Variants in RNF25 observed in about 807,000 individuals in gnomAD.
RNF25 encodes the protein ring finger protein 25.
RNF25 carries 32 observed loss-of-function variants against 65.0 expected under a neutral mutation model. That is an observed-to-expected ratio of 0.49 (90% confidence interval 0.37 to 0.66). The LOEUF (loss-of-function observed/expected upper bound fraction) is 0.66. RNF25 is among the 30% of genes least tolerant of loss of function. The pLI, the probability that RNF25 is intolerant of heterozygous loss-of-function variation, is 0.00. For missense variants in RNF25, 493 were observed against 584.8 expected (o/e 0.84, Z 1.62); for synonymous variants, 207 against 221.2 (o/e 0.94, Z 0.57).
In RNF25 at chr2:218,664,545, A is replaced by G. The variant is rs936326544; in HGVS notation, c.802-10T>C. ...CCGCAGGGGCAGGAGGCTAGAAATAAGTGACAAGATGCAGTGAGGGAGATG... is the reference window on the plus strand; with the variant it reads ...CCGCAGGGGCAGGAGGCTAGAAATAGGTGACAAGATGCAGTGAGGGAGATG... On this transcript the variant is annotated splice_polypyrimidine_tract_variant and intron_variant, in intron 9 of 9. Coordinates refer to ENST00000295704, the MANE Select transcript of RNF25 (RefSeq NM_022453.3). The surrounding 1 kb of genome is among the most constrained non-coding windows in gnomAD (Gnocchi z 5.1). The G allele has an allele frequency of 6.8e-6, 11 of 1,609,458 alleles. No individual in the cohort carries two copies. The highest frequency in any genetic ancestry group is 1.7e-4 in the Middle Eastern group (1 of 6,040).
At position 218,667,851 on chromosome 2, in the gene RNF25, A is replaced by G. The variant is rs1939868259; in HGVS notation, c.357+61T>C. 4 of 1,478,896 alleles carry G rather than the reference A, an allele frequency of 2.7e-6. No homozygotes were observed. In the South Asian group the frequency reaches 4.7e-5, roughly 17 times the overall value. 91.6% of individuals were successfully genotyped at this position (1,478,896 alleles called of 1,614,324 possible). ...ATTCTAGGCCCATGGTTTCCCTTTTACAGCTAGAAACTGCTCTAGCTTGAA... is the reference window on the plus strand; with the variant it reads ...ATTCTAGGCCCATGGTTTCCCTTTTGCAGCTAGAAACTGCTCTAGCTTGAA... On this transcript the variant is annotated intron_variant, in intron 5 of 9. Coordinates refer to ENST00000295704, the MANE Select transcript of RNF25 (RefSeq NM_022453.3).
chr2:218,665,081 C>A, intron 8 of RNF25, 74 bp downstream of exon 8: 4 of 1,508,408 alleles, frequency 2.7e-6, no homozygotes, highest in South Asian at 2.3e-5. Flanking sequence ...CCATTTGACA[C>A]AGACAAGATG....
chr2:218,668,876 GCAT>G (rs1193021494), intron 1 of RNF25, among the ~76,000 whole-genome samples, 197 bp from the exon 2 acceptor site: 1 of 152,222 alleles, frequency 6.6e-6, no homozygotes, highest in Non-Finnish European at 1.5e-5. Context: ...AGAATTTTAG[GCAT>G]CATTTCTGCC....
intron 5 of RNF25, among the ~76,000 whole-genome samples, chr2:218,667,222 G>A (rs1467636163): frequency 6.6e-6 from 1 of 151,548 alleles, no homozygotes; most frequent in Non-Finnish European, 1.5e-5. Flanking sequence ...AAATAAAACT[G>A]TACTTAATTT....
chr2:218,665,223 C>G lies in RNF25; in HGVS notation c.598G>C (p.Val200Leu), dbSNP rs780539985. 6.2e-7 allele frequency: 1 copy of G among 1,614,106 alleles called. No individual in the cohort carries two copies. Among genetic ancestry groups the G allele is most frequent in the South Asian group, 1.1e-5 (1 of 91,070 alleles). ...TCATACACGAGGGGCTCTCTGCACA[C>G]TGGACACTGCACACCGACTGCCTTC... ...KQKAVGVQCP[V>L]CREPLVYDLA... Residue 200 changes from valine to leucine, a missense_variant, in exon 8 of 10, where the codon GTG (valine) becomes CTG (leucine). Physicochemically the swap from Val to Leu is conservative, Grantham distance 32 (BLOSUM62 1). Coordinates refer to ENST00000295704, the MANE Select transcript of RNF25 (RefSeq NM_022453.3).
chr2:218,665,233 C>T lies in RNF25; in HGVS notation c.588G>A (p.Val196=). 6.2e-7 allele frequency: 1 copy of T among 1,613,674 alleles called. No individual in the cohort carries two copies. The highest frequency in any genetic ancestry group is 8.5e-7 in the Non-Finnish European group (1 of 1,179,764). ...GGGGCTCTCTGCACACTGGACACTG[C>T]ACACCGACTGCCTTCTAAAAAAGAG... ...HATTKQKAVG[V]QCPVCREPLV... Residue 196 remains valine (V), a synonymous_variant, in exon 8 of 10, where the codon GTG becomes GTA. Transcript: ENST00000295704.
At chr2:218,671,434 G>A (rs1350012563) in intron 1 of RNF25, among the ~76,000 whole-genome samples, 4 of 151,964 alleles carry the variant, frequency 2.6e-5, no homozygotes, top group Non-Finnish European at 4.4e-5. Flanking sequence ...AGGACTAGAG[G>A]GACTTTATAT....
intron 5 of RNF25, 55 bp downstream of exon 5, chr2:218,667,857 A>G: frequency 1.3e-6 from 2 of 1,540,554 alleles, no homozygotes; most frequent in Non-Finnish European, 1.8e-6. Context: ...TTTTACAGCT[A>G]GAAACTGCTC....
rs144619551 is a variant in RNF25, at chr2:218,664,353, C to T, written c.984G>A (p.Arg328=). Residue 328 remains arginine, a synonymous_variant, in exon 10 of 10, where the codon AGG becomes AGA. Transcript: ENST00000295704. The surrounding 1 kb of genome is among the most constrained non-coding windows in gnomAD (Gnocchi z 5.1). ...KIPGTRSNQQ[R]LGETQKAMLD... ...GCATAGCTTTCTGGGTTTCGCCCAA[C>T]CTTTGCTGATTTGACCTGGTCCCTG... 263 of 1,614,050 alleles carry T rather than the reference C, an allele frequency of 1.6e-4. No homozygotes were observed. Among genetic ancestry groups the T allele is most frequent in the Non-Finnish European group, 2.0e-4 (232 of 1,180,042 alleles).
Position 218,664,347 on chromosome 2 carries a change from G to A in RNF25, c.990C>T (p.Gly330=), listed in dbSNP as rs754094338. 13 of 1,614,168 alleles carry A rather than the reference G, an allele frequency of 8.1e-6. No individual in the cohort carries two copies. Among genetic ancestry groups the A allele is most frequent in the South Asian group, 1.1e-5 (1 of 91,080 alleles). The part of the protein sequence containing the change: ...PGTRSNQQRL[G]ETQKAMLDPP... ...GATCTAGCATAGCTTTCTGGGTTTC[G>A]CCCAACCTTTGCTGATTTGACCTGG... The change falls in exon 10 of 10, where the codon GGC becomes GGT. Residue 330 remains glycine, a synonymous_variant. Transcript: ENST00000295704. The surrounding 1 kb of genome is among the most constrained non-coding windows in gnomAD (Gnocchi z 5.1).
chr2:218,665,827 G>A (rs1216151881), intron 7 of RNF25, 89 bp downstream of exon 7: 3 of 1,507,208 alleles, frequency 2.0e-6, no homozygotes, highest in Middle Eastern at 2.5e-4. Context: ...CTGAAAAAGT[G>A]AAGAGCCACT....
rs1327336798 is a variant in RNF25, at chr2:218,667,355, C to CT, written c.357+556dup. ...TTCAGTAAAGGAACCATGACTTTTT[C>CT]TTTTTTTTTTTTTTGAGATGGAGTC... On this transcript the variant is annotated intron_variant, in intron 5 of 9. Transcript: ENST00000295704. Among the ~76,000 whole-genome samples, 636 of 139,516 alleles carry CT rather than the reference C, an allele frequency of 4.6e-3. 5 individuals are homozygous for CT. The highest frequency in any genetic ancestry group is 6.3e-3 in the Non-Finnish European group (400 of 63,564). 91.5% of individuals were successfully genotyped at this position (139,516 alleles called of 152,430 possible).
rs758521227 is a variant in RNF25, at chr2:218,671,964, C to T, written c.7G>A (p.Ala3Thr). 17 of 1,614,118 alleles carry T rather than the reference C, an allele frequency of 1.1e-5. No individual in the cohort carries two copies. The Admixed American group carries it at 1.8e-4, about 17-fold the overall frequency. MA[A>T]SASAAAGEED... ...TCCCCTGCAGCTGCAGACGCAGACG[C>T]CGCCATATCTTCACCGGCCCGCAGC... Residue 3 changes from alanine to threonine, a missense_variant, in exon 1 of 10, where the codon GCG (alanine) becomes ACG (threonine). Physicochemically the swap from Ala to Thr is moderately conservative, Grantham distance 58. This residue lies in a region of RNF25 where 34 missense variants were observed against 18.6 expected (regional missense o/e 1.83). Transcript: ENST00000295704.
In RNF25 at chr2:218,665,929, G is replaced by C. The variant is rs533604489; in HGVS notation, c.560C>G (p.Ala187Gly). The stretch of plus-strand genomic sequence containing the variant: ...AGTGAGGTCTACCTGTTTGGTTGTA[G>C]CATGCTGCCGTTCCTGTTCCTGCTC... ...GQEQEQERQHATTKQKAVGVQ... is the reference protein window; with the variant it reads ...GQEQEQERQHGTTKQKAVGVQ... Residue 187 changes from alanine (A) to glycine (G), a missense_variant, in exon 7 of 10, where the codon GCT (alanine) becomes GGT (glycine). This residue lies in a region of RNF25 where 351 missense variants were observed against 400.2 expected (regional missense o/e 0.88). Transcript: ENST00000295704. 9 of 1,613,674 alleles carry C rather than the reference G, an allele frequency of 5.6e-6. No homozygotes were observed. The highest frequency in any genetic ancestry group is 7.6e-6 in the Non-Finnish European group (9 of 1,179,826).
chr2:218,664,089 G>A lies in RNF25; in HGVS notation c.1248C>T (p.Asp416=). The A allele has an allele frequency of 6.6e-7, 1 of 1,521,244 alleles. No individual in the cohort carries two copies. Among genetic ancestry groups the A allele is most frequent in the South Asian group, 1.3e-5 (1 of 74,974 alleles). The allele number at this position is 1,521,244 out of a possible 1,614,324, so 94.2% of individuals were successfully genotyped here. The change falls in exon 10 of 10, where the codon GAC becomes GAT. Residue 416 remains aspartate (D), a synonymous_variant. Coordinates refer to ENST00000295704, the MANE Select transcript of RNF25 (RefSeq NM_022453.3). This position sits in a 1 kb window ranked among gnomAD's most constrained non-coding sequence, Gnocchi z 5.1. ...WQGPPPRRTR[D]CVRWERSKGR... is the part of the protein sequence containing the mutation. ...CTTTAGAGCGCTCCCAGCGAACACA[G>A]TCCCGAGTCCTGCGGGGTGGGGGCC...
Position 218,664,393 on chromosome 2 carries a change from A to G in RNF25, c.944T>C (p.Ile315Thr), listed in dbSNP as rs1248512067. 6.2e-7 allele frequency: 1 copy of G among 1,614,016 alleles called. No individual in the cohort carries two copies. Among genetic ancestry groups the G allele is most frequent in the South Asian group, 1.1e-5 (1 of 91,080 alleles). The part of the protein sequence containing the change: ...PPPLPVATQH[I>T]CEKIPGTRSN... ...CCTGGTCCCTGGAATCTTCTCACAT[A>G]TGTGCTGGGTCGCCACAGGCAGAGG... Residue 315 changes from isoleucine to threonine, a missense_variant, in exon 10 of 10, where the codon ATA becomes ACA. Transcript: ENST00000295704. This position sits in a 1 kb window ranked among gnomAD's most constrained non-coding sequence, Gnocchi z 5.1.
In RNF25 at chr2:218,664,152, T is replaced by C. The variant is rs1267459415; in HGVS notation, c.1185A>G (p.Glu395=). 6.5e-7 allele frequency: 1 copy of C among 1,546,798 alleles called. No individual in the cohort carries two copies. Among genetic ancestry groups the C allele is most frequent in the African/African-American group, 1.4e-5 (1 of 72,288 alleles). The part of the protein sequence containing the change: ...LKPEPHSQGV[E]GPPQEKGPGS... ...CAGGCCCCTTCTCTTGTGGAGGACC[T>C]TCAACTCCTTGGCTATGGGGTTCTG... Residue 395 remains glutamate, a synonymous_variant, in exon 10 of 10, where the codon GAA becomes GAG. Transcript: ENST00000295704. This position sits in a 1 kb window ranked among gnomAD's most constrained non-coding sequence, Gnocchi z 5.1.
chr2:218,666,286 C>T (rs1939825303), intron 5 of RNF25, 56 bp from the exon 6 acceptor site: 1 of 1,397,970 alleles, frequency 7.2e-7, no homozygotes, highest in Non-Finnish European at 1.0e-6. Context: ...GTGAGCAAGG[C>T]CTGTCTACTA....
In RNF25 at chr2:218,665,738, A is replaced by G. The variant is rs562787035; in HGVS notation, c.573+178T>C. On this transcript the variant is annotated intron_variant, in intron 7 of 9. Coordinates refer to ENST00000295704, the MANE Select transcript of RNF25 (RefSeq NM_022453.3). ...AGCCTGGGTGGCAGAGTGAGACTCC[A>G]TCTCAAAAAAAAAAAAAAAGGATGC... is the stretch of plus-strand genomic sequence containing the variant. Among the ~76,000 whole-genome samples the G allele has an allele frequency of 1.2e-4, 18 of 150,760 alleles. No homozygotes were observed. The South Asian group carries it at 3.0e-3, about 25-fold the overall frequency.
Sources: allele counts gnomAD v4.1 joint callset (sites outside exome capture counted in the v4.1 genomes callset), GRCh38; gene constraint gnomAD v4.1.1; regional missense constraint gnomAD v4.1.1; non-coding constraint Gnocchi (gnomAD v3.1); transcripts MANE v1.5; gene names NCBI Gene and HGNC (gene_info 2026-07-23, HGNC 2026-07-21).